Variants in TOX3 observed in about 807,000 individuals in gnomAD.
TOX3 encodes CAG trinucleotide repeat-containing gene F9 protein.
Under a neutral mutation model 64.3 loss-of-function variants are expected in TOX3, and 22 were observed. The ratio of observed to expected loss-of-function variants is 0.34; its 90% confidence interval spans 0.24 to 0.49. The LOEUF is 0.49. Among genes scored for constraint, TOX3 ranks in the 20% least tolerant of loss-of-function variants. The pLI, the probability that TOX3 is intolerant of heterozygous loss-of-function variation, is 0.99. For missense variants in TOX3, 661 were observed against 714.4 expected (o/e 0.93, Z 0.85); for synonymous variants, 291 against 273.6 (o/e 1.06, Z -0.63).
At chr16:52,452,535 G>T (rs141515356) in intron 3 of TOX3, among the ~76,000 whole-genome samples, 1 of 151,858 alleles carries the variant, frequency 6.6e-6, no homozygotes, top group Non-Finnish European at 1.5e-5. Context: ...GTTGTGGGGT[G>T]GGGGGAATGG....
At chr16:52,519,734 G>A (rs1386901543) in intron 1 of TOX3, among the ~76,000 whole-genome samples, 1 of 152,046 alleles carries the variant, frequency 6.6e-6, no homozygotes, top group African/African-American at 2.4e-5. Context: ...AACACAGCAG[G>A]AGCTCTTGGG....
intron 1 of TOX3, among the ~76,000 whole-genome samples, chr16:52,473,945 G>A (rs181646471): frequency 4.6e-5 from 7 of 151,900 alleles, no homozygotes; most frequent in Middle Eastern, 3.4e-3. Flanking sequence ...AGATTTACAC[G>A]CACATACATA....
chr16:52,497,474 T>G (rs1253275467), intron 1 of TOX3, among the ~76,000 whole-genome samples: 1 of 152,198 alleles, frequency 6.6e-6, no homozygotes, highest in Admixed American at 6.5e-5. Context: ...AGATTCCAAT[T>G]TGTGGAAATG....
At chr16:52,504,125 C>A (rs1348405405) in intron 1 of TOX3, among the ~76,000 whole-genome samples, 1 of 152,138 alleles carries the variant, frequency 6.6e-6, no homozygotes, top group Non-Finnish European at 1.5e-5. Flanking sequence ...GCAACAATTT[C>A]TGTGTTGGGA....
At position 52,439,880 on chromosome 16, in the gene TOX3, T is replaced by C. The variant is rs1158110121; in HGVS notation, c.1076A>G (p.Asn359Ser). 1.2e-6 allele frequency: 2 copies of C among 1,613,714 alleles called. No individual in the cohort carries two copies. The highest frequency in any genetic ancestry group is 2.7e-5 in the African/African-American group (2 of 74,992). ...STNLTSSLLLNTPLSQHGTVS... is the reference protein window; with the variant it reads ...STNLTSSLLLSTPLSQHGTVS... ...TGTTCCATGTTGAGACAGTGGAGTGTTGAGAAGGAGAGAGGATGTTAGATT... is the reference window on the plus strand; with the variant it reads ...TGTTCCATGTTGAGACAGTGGAGTGCTGAGAAGGAGAGAGGATGTTAGATT... The change falls in exon 7 of 7, where the codon AAC becomes AGC. Residue 359 changes from asparagine to serine, a missense_variant. Asn to Ser is a conservative substitution (Grantham distance 46). This residue lies in a region of TOX3 where 299 missense variants were observed against 292.1 expected (regional missense o/e 1.02). Transcript: ENST00000219746.
intron 3 of TOX3, among the ~76,000 whole-genome samples, chr16:52,463,282 A>C (rs1430753379): frequency 6.6e-6 from 1 of 152,228 alleles, no homozygotes; most frequent in East Asian, 1.9e-4. Flanking sequence ...AAAATACTTA[A>C]GCAGATTTAC....
At chr16:52,483,388 C>T (rs969973489) in intron 1 of TOX3, among the ~76,000 whole-genome samples, 2 of 152,066 alleles carry the variant, frequency 1.3e-5, no homozygotes, top group African/African-American at 4.8e-5. Flanking sequence ...CTTGCATTGC[C>T]TAGAAGGGGA....
intron 1 of TOX3, among the ~76,000 whole-genome samples, chr16:52,522,917 C>T (rs930792303): frequency 6.6e-6 from 1 of 152,194 alleles, no homozygotes; most frequent in African/African-American, 2.4e-5. Flanking sequence ...TGGATGAAGG[C>T]CTCCTCTATA....
intron 1 of TOX3, among the ~76,000 whole-genome samples, chr16:52,491,060 C>T (rs573843810): frequency 7.2e-5 from 11 of 152,120 alleles, no homozygotes; most frequent in Non-Finnish European, 1.3e-4. Flanking sequence ...AAAATACTTC[C>T]ACAGTTACCC....
intron 1 of TOX3, among the ~76,000 whole-genome samples, chr16:52,498,906 G>A (rs924587667): frequency 1.3e-5 from 2 of 152,172 alleles, no homozygotes; most frequent in African/African-American, 4.8e-5. Context: ...ATGTAGAAAT[G>A]CTTTCCATTT....
At chr16:52,526,725 C>T (rs1286043046) in intron 1 of TOX3, among the ~76,000 whole-genome samples, 1 of 152,172 alleles carries the variant, frequency 6.6e-6, no homozygotes, top group Non-Finnish European at 1.5e-5. Flanking sequence ...GTGACAACTG[C>T]TTGGGAAGGC....
At chr16:52,512,362 C>T (rs1211443022) in intron 1 of TOX3, among the ~76,000 whole-genome samples, 2 of 152,128 alleles carry the variant, frequency 1.3e-5, no homozygotes, top group Non-Finnish European at 2.9e-5. Flanking sequence ...AAAATGATTC[C>T]AACCCAAAAT....
Position 52,439,895 on chromosome 16 carries a change from G to T in TOX3, c.1061C>A (p.Ser354Tyr). The change falls in exon 7 of 7, where the codon TCC becomes TAC. Residue 354 changes from serine to tyrosine, a missense_variant. Coordinates refer to ENST00000219746, the MANE Select transcript of TOX3 (RefSeq NM_001080430.4). The stretch of plus-strand genomic sequence containing the variant: ...CAGTGGAGTGTTGAGAAGGAGAGAG[G>T]ATGTTAGATTGGTCGACGCCAGGGT... ...QQTLASTNLT[S>Y]SLLLNTPLSQ... The T allele has an allele frequency of 3.1e-6, 5 of 1,613,166 alleles. No homozygotes were observed. Among genetic ancestry groups the T allele is most frequent in the Non-Finnish European group, 4.2e-6 (5 of 1,179,448 alleles).
intron 1 of TOX3, among the ~76,000 whole-genome samples, chr16:52,482,002 G>A (rs1961384025): frequency 6.6e-6 from 1 of 152,122 alleles, no homozygotes; most frequent in Admixed American, 6.5e-5. Context: ...TGTAACTTAA[G>A]ATTTTATATC....
At chr16:52,441,606 T>G (rs894248590) in intron 6 of TOX3, among the ~76,000 whole-genome samples, 1 of 152,178 alleles carries the variant, frequency 6.6e-6, no homozygotes, top group Admixed American at 6.5e-5. Flanking sequence ...AGGATGTTTT[T>G]GGGGGTGTGT....
At chr16:52,457,501 A>C (rs1286782812) in intron 3 of TOX3, among the ~76,000 whole-genome samples, 1 of 152,202 alleles carries the variant, frequency 6.6e-6, no homozygotes, top group Non-Finnish European at 1.5e-5. Context: ...TTAGAGTGTG[A>C]CTAAATATAT....
chr16:52,516,778 G>T (rs762595171), intron 1 of TOX3, among the ~76,000 whole-genome samples: 4 of 152,104 alleles, frequency 2.6e-5, no homozygotes, highest in Admixed American at 6.5e-5. Flanking sequence ...CTGCAAAGGG[G>T]TACAAGGAAA....
intron 2 of TOX3, among the ~76,000 whole-genome samples, chr16:52,464,751 T>C (rs140967974): frequency 9.1e-4 from 139 of 152,294 alleles, no homozygotes; most frequent in African/African-American, 3.2e-3. Context: ...TAATACAATG[T>C]TTTATATAAG....
At position 52,546,958 on chromosome 16, in the gene TOX3, C is replaced by T; in HGVS notation, c.-235G>A. ...GGGAGGCGGCCGGGGGGACGCGCCC[C>T]GCCGGGGCACCGAGGCAGCGCTGCG... On this transcript the variant is annotated 5_prime_UTR_variant, in exon 1 of 7. Coordinates refer to ENST00000219746, the MANE Select transcript of TOX3 (RefSeq NM_001080430.4). 1.0e-6 allele frequency: 1 copy of T among 980,992 alleles called. No individual in the cohort carries two copies. Among genetic ancestry groups the T allele is most frequent in the Non-Finnish European group, 1.2e-6 (1 of 829,048 alleles). The allele number at this position is 980,992 out of a possible 1,614,324, so 60.8% of individuals were successfully genotyped here.
Sources: gnomAD v4.1 joint callset for allele counts (sites outside exome capture counted in the v4.1 genomes callset) on GRCh38, gnomAD v4.1.1 for gene constraint, gnomAD v4.1.1 regional missense constraint, MANE v1.5 for transcripts, NCBI Gene and HGNC (gene_info 2026-07-23, HGNC 2026-07-21) for gene names.